Variants in LCORL observed in about 807,000 individuals in gnomAD.
LCORL encodes ligand-dependent nuclear receptor corepressor-like protein.
In LCORL, 41 loss-of-function variants were observed where a neutral mutation model predicts 141.8. That is an observed-to-expected ratio of 0.29 (90% confidence interval 0.23 to 0.38). LCORL has a LOEUF of 0.38. LCORL is among the 10% of genes least tolerant of loss of function. LCORL has a pLI of 1.00. For synonymous variants in LCORL, 618 were observed against 694.1 expected, an observed-to-expected ratio of 0.89 and a Z score of 1.72; for missense variants, 1,759 against 2,035.0, an observed-to-expected ratio of 0.86 and a Z score of 2.61.
intron 4 of LCORL, among the ~76,000 whole-genome samples, chr4:17,961,629 A>T (rs891347329): frequency 3.3e-5 from 5 of 151,994 alleles, no homozygotes; most frequent in African/African-American, 1.2e-4. Context: ...CATAAGAAAA[A>T]TTTTTAAAGG....
intron 1 of LCORL, among the ~76,000 whole-genome samples, chr4:18,020,312 G>A (rs1220339366): frequency 6.6e-6 from 1 of 152,052 alleles, no homozygotes; most frequent in Non-Finnish European, 1.5e-5. Context: ...AGGTAAGAGA[G>A]TTGTTTTCTT....
rs555089274 is a variant in LCORL, at chr4:17,957,569, G to T, written c.430+4334C>A. Reference sequence around the variant, plus strand: ...GAAGAGGAGAATCTGGGTGATGATGGGATGAACTGGTAGATTTCCTTTAAT... The same window carrying T: ...GAAGAGGAGAATCTGGGTGATGATGTGATGAACTGGTAGATTTCCTTTAAT... On this transcript the variant is annotated intron_variant, in intron 4 of 7. Transcript: ENST00000635767. 2.6e-5 allele frequency among the ~76,000 whole-genome samples: 4 copies of T among 151,976 alleles called. No individual in the cohort carries two copies. The South Asian group carries it at 8.3e-4, about 32-fold the overall frequency.
At chr4:17,931,177 T>C (rs964234566) in intron 4 of LCORL, among the ~76,000 whole-genome samples, 2 of 152,090 alleles carry the variant, frequency 1.3e-5, no homozygotes, top group African/African-American at 2.4e-5. Flanking sequence ...TGCATTTTAA[T>C]ACTTTCTCTC....
At chr4:17,854,432 C>T (rs1724123153) in intron 7 of LCORL, among the ~76,000 whole-genome samples, 1 of 152,028 alleles carries the variant, frequency 6.6e-6, no homozygotes, top group Admixed American at 6.6e-5. Context: ...TAAAATATGG[C>T]AAATATGTGT....
At chr4:17,957,354 G>A (rs1265611228) in intron 4 of LCORL, among the ~76,000 whole-genome samples, 1 of 151,944 alleles carries the variant, frequency 6.6e-6, no homozygotes, top group Non-Finnish European at 1.5e-5. Flanking sequence ...CAAGTGAGAA[G>A]TCTACAAAAG....
At chr4:17,891,638 A>G (rs1053623838) in intron 5 of LCORL, among the ~76,000 whole-genome samples, 1 of 152,190 alleles carries the variant, frequency 6.6e-6, no homozygotes, top group Non-Finnish European at 1.5e-5. Flanking sequence ...AAAAGGTATG[A>G]TATAAAAATC....
chr4:17,976,919 T>C (rs962407599), intron 1 of LCORL, among the ~76,000 whole-genome samples: 3 of 152,180 alleles, frequency 2.0e-5, no homozygotes, highest in Non-Finnish European at 4.4e-5. Flanking sequence ...AGCAGTTTCA[T>C]GATTATGTGT....
chr4:17,864,309 C>T (rs533561266), intron 7 of LCORL, among the ~76,000 whole-genome samples: 4 of 152,070 alleles, frequency 2.6e-5, no homozygotes, highest in Non-Finnish European at 5.9e-5. Context: ...ACTGCAACCT[C>T]CACCTCCCAG....
At chr4:17,909,389 G>A (rs1380343757) in intron 4 of LCORL, 44 bp from the exon 5 acceptor site, 2 of 1,377,992 alleles carry the variant, frequency 1.5e-6, no homozygotes, top group Non-Finnish European at 2.0e-6. Context: ...AAAGAGAAAG[G>A]CAAATCACCA....
chr4:18,008,456 G>C (rs965437696), intron 1 of LCORL, among the ~76,000 whole-genome samples: 1 of 152,194 alleles, frequency 6.6e-6, no homozygotes, highest in African/African-American at 2.4e-5. Context: ...TAAAGTTTTA[G>C]ATGTAACAAT....
At chr4:17,969,750 A>G (rs1349480253) in intron 2 of LCORL, among the ~76,000 whole-genome samples, 1 of 152,160 alleles carries the variant, frequency 6.6e-6, no homozygotes, top group African/African-American at 2.4e-5. Context: ...AAACTGGTTA[A>G]ACTAAAATTA....
chr4:17,966,040 T>C (rs1577573047), intron 2 of LCORL, among the ~76,000 whole-genome samples: 3 of 152,212 alleles, frequency 2.0e-5, no homozygotes, highest in Admixed American at 1.3e-4. Context: ...TACTAATCCT[T>C]AGGCAATACA....
chr4:17,909,287 C>G, exon 5 of LCORL: 1 of 1,610,682 alleles, frequency 6.2e-7, no homozygotes, highest in Non-Finnish European at 8.5e-7. Flanking sequence ...GACGTATCAT[C>G]TTTTTCATTA....
Position 17,874,093 on chromosome 4 carries a change from G to A in LCORL, c.4897C>T (p.Gln1633Ter). 1 of 1,227,008 alleles carries A rather than the reference G, an allele frequency of 8.1e-7. No homozygotes were observed. The highest frequency in any genetic ancestry group is 1.0e-6 in the Non-Finnish European group (1 of 985,482). 76.0% of individuals were successfully genotyped at this position (1,227,008 alleles called of 1,614,324 possible). ...TCAGTCTTATTTAAAAATTGGTTCT[G>A]GCAGAAAAATCTTAAGTTTCTCCTT... The change falls in exon 7 of 8, where the codon CAG becomes TAG. Residue 1633 changes from glutamine to a stop codon, truncating the protein, a stop_gained. Transcript: ENST00000635767. LOFTEE classifies it high-confidence loss of function.
At chr4:17,882,422 C>T in intron 6 of LCORL, 1 of 984,546 alleles carries the variant, frequency 1.0e-6, no homozygotes, top group African/African-American at 1.7e-5. Context: ...TCCATAAATC[C>T]AACAAGGATA....
At chr4:18,020,266 C>CG (rs1560494376) in intron 1 of LCORL, among the ~76,000 whole-genome samples, 1 of 151,946 alleles carries the variant, frequency 6.6e-6, no homozygotes. Context: ...GAGGCGGGGT[C>CG]GGGGGTGCGA....
chr4:17,884,106 C>T lies in LCORL; in HGVS notation c.776+1962G>A. On this transcript the variant is annotated intron_variant, in intron 6 of 7. Coordinates refer to ENST00000635767, the Ensembl canonical transcript of LCORL. This position sits in a 1 kb window ranked among gnomAD's most constrained non-coding sequence, Gnocchi z 4.4. ...TCCCCATGTAGAAAGTAAGAGTCAA[C>T]ACTTGAGTGAGTTACAGGCCCAGAA... The T allele has an allele frequency of 3.9e-6, 6 of 1,550,676 alleles. No homozygotes were observed. The highest frequency in any genetic ancestry group is 5.2e-6 in the Non-Finnish European group (6 of 1,146,340).
chr4:17,976,195 A>C (rs1296631956), intron 1 of LCORL, among the ~76,000 whole-genome samples: 3 of 152,172 alleles, frequency 2.0e-5, no homozygotes, highest in African/African-American at 7.2e-5. Flanking sequence ...TGAATCTTGC[A>C]TTTTTATTCA....
chr4:17,995,304 T>C (rs1720736258), intron 1 of LCORL, among the ~76,000 whole-genome samples: 1 of 151,882 alleles, frequency 6.6e-6, no homozygotes, highest in South Asian at 2.1e-4. Context: ...TCTCCATTAA[T>C]AAAGGTGTTG....
Sources: gnomAD v4.1 joint callset for allele counts (sites outside exome capture counted in the v4.1 genomes callset) on GRCh38, gnomAD v4.1.1 for gene constraint, Gnocchi (gnomAD v3.1) non-coding constraint, MANE v1.5 for transcripts, NCBI Gene and HGNC (gene_info 2026-07-23, HGNC 2026-07-21) for gene names.